SEMA3A: variants seen among roughly 807,000 people sequenced by gnomAD.
SEMA3A encodes the protein semaphorin 3A.
Under a neutral mutation model 97.9 loss-of-function variants are expected in SEMA3A, and 29 were observed. The ratio of observed to expected loss-of-function variants is 0.30; its 90% confidence interval spans 0.22 to 0.40. The LOEUF (loss-of-function observed/expected upper bound fraction) is 0.40, where lower values mean the gene tolerates loss of function less well. Among genes scored for constraint, SEMA3A ranks in the 10% least tolerant of loss-of-function variants. The probability of loss-of-function intolerance (pLI) is 1.00; values close to 1 mark genes in which losing one functional copy is unlikely to be tolerated. For missense variants in SEMA3A, 763 were observed against 951.3 expected (o/e 0.80, Z 2.60); for synonymous variants, 321 against 323.7 (o/e 0.99, Z 0.09).
intron 1 of SEMA3A, among the ~76,000 whole-genome samples, chr7:84,181,677 T>C (rs1291232831): frequency 6.6e-6 from 1 of 152,206 alleles, no homozygotes; most frequent in Non-Finnish European, 1.5e-5. Context: ...CATCACTGAT[T>C]ATTTTTACAT....
intron 1 of SEMA3A, among the ~76,000 whole-genome samples, chr7:84,444,849 G>A (rs1475866672): frequency 2.6e-5 from 4 of 151,878 alleles, no homozygotes; most frequent in African/African-American, 4.8e-5. Context: ...TGTGAGTACA[G>A]TGATTTTCTT....
chr7:84,175,441 G>A (rs1395616873), intron 1 of SEMA3A, among the ~76,000 whole-genome samples: 2 of 152,252 alleles, frequency 1.3e-5, no homozygotes, highest in African/African-American at 4.8e-5. Context: ...CATTAGGAAA[G>A]ACTGATCTCA....
At chr7:84,122,111 T>C (rs1230378744) in intron 3 of SEMA3A, among the ~76,000 whole-genome samples, 2 of 151,824 alleles carry the variant, frequency 1.3e-5, no homozygotes, top group African/African-American at 4.8e-5. Flanking sequence ...ACTTCCACAA[T>C]GGTTGAACTA....
chr7:84,133,779 G>A (rs1026755586), intron 2 of SEMA3A, among the ~76,000 whole-genome samples: 8 of 151,406 alleles, frequency 5.3e-5, no homozygotes, highest in South Asian at 2.1e-4. Flanking sequence ...GGCCGGGCGC[G>A]GTGGCTCACA....
intron 1 of SEMA3A, among the ~76,000 whole-genome samples, chr7:84,171,763 A>G (rs1036378483): frequency 2.6e-5 from 4 of 152,174 alleles, no homozygotes; most frequent in African/African-American, 9.6e-5. Context: ...AAAAAAATAT[A>G]TTAAGGGAGG....
intron 4 of SEMA3A, among the ~76,000 whole-genome samples, chr7:84,084,395 A>T (rs1337311823): frequency 6.6e-6 from 1 of 152,000 alleles, no homozygotes; most frequent in African/African-American, 2.4e-5. Flanking sequence ...GGGTGATAAA[A>T]ATTACACAGT....
At position 84,367,197 on chromosome 7, in the gene SEMA3A, T is replaced by C. The variant is rs74854255; in HGVS notation, c.-169+4627A>G. Among the ~76,000 whole-genome samples the C allele has an allele frequency of 0.013, 2,032 of 151,186 alleles. 84 individuals carry two copies. In the East Asian group the frequency reaches 0.15, roughly 11 times the overall value. On this transcript the variant is annotated intron_variant, in intron 2 of 3. Transcript: ENST00000424555. The stretch of plus-strand genomic sequence containing the variant: ...GACATTTTCTAATAAAAAATAAACG[T>C]ATAGGTGAGATGTGGAATTACCAAT...
chr7:84,435,574 C>A (rs1469000175), intron 1 of SEMA3A, among the ~76,000 whole-genome samples: 1 of 152,188 alleles, frequency 6.6e-6, no homozygotes, highest in Non-Finnish European at 1.5e-5. Context: ...GGCCAATGCC[C>A]TCCAGCCTGG....
At chr7:84,321,810 G>T (rs550665404) in intron 2 of SEMA3A, among the ~76,000 whole-genome samples, 5 of 144,778 alleles carry the variant, frequency 3.5e-5, no homozygotes, top group Admixed American at 7.0e-5. Flanking sequence ...GGGGAGGCAG[G>T]GGTTGCAGTG....
At chr7:84,454,690 G>GAAAACA (rs1362037071) in intron 1 of SEMA3A, among the ~76,000 whole-genome samples, 3 of 151,846 alleles carry the variant, frequency 2.0e-5, no homozygotes, top group Non-Finnish European at 2.9e-5. Flanking sequence ...CACCCAAAAT[G>GAAAACA]AAAACAAAAA....
At chr7:84,063,204 G>A (rs914121094) in intron 4 of SEMA3A, among the ~76,000 whole-genome samples, 1 of 151,524 alleles carries the variant, frequency 6.6e-6, no homozygotes, top group African/African-American at 2.4e-5. Context: ...CTGCAGCTGA[G>A]GGTCCTGTCT....
At chr7:84,468,236 A>G (rs1806055664) in intron 1 of SEMA3A, among the ~76,000 whole-genome samples, 1 of 152,174 alleles carries the variant, frequency 6.6e-6, no homozygotes, top group South Asian at 2.1e-4. Flanking sequence ...TTACTTGTGC[A>G]AAGTTTTCAT....
chr7:84,484,385 T>G (rs6947913), intron 1 of SEMA3A, among the ~76,000 whole-genome samples: 69 of 152,290 alleles, frequency 4.5e-4, no homozygotes, highest in African/African-American at 1.6e-3. Context: ...TATAAAAATT[T>G]GTAATAAGAG....
In SEMA3A at chr7:83,986,908, G is replaced by T. The variant is rs143471690; in HGVS notation, c.1453-1431C>A. Among the ~76,000 whole-genome samples, 47 of 152,006 alleles carry T rather than the reference G, an allele frequency of 3.1e-4. No individual in the cohort carries two copies. In the East Asian group the frequency reaches 7.2e-3, roughly 23 times the overall value. ...AATACATGTAAAACACATTACAAATGTGCTTGGTATATAGTGTTTATTCAA... is the reference window on the plus strand; with the variant it reads ...AATACATGTAAAACACATTACAAATTTGCTTGGTATATAGTGTTTATTCAA... On this transcript the variant is annotated intron_variant, in intron 12 of 16. Transcript: ENST00000265362.
At chr7:84,262,619 C>T (rs1799885428) in intron 3 of SEMA3A, among the ~76,000 whole-genome samples, 1 of 152,156 alleles carries the variant, frequency 6.6e-6, no homozygotes, top group Admixed American at 6.5e-5. Flanking sequence ...AGAAGAAGAG[C>T]TAAGGAAATC....
chr7:84,154,573 G>C (rs141113673), intron 1 of SEMA3A, among the ~76,000 whole-genome samples: 1 of 151,558 alleles, frequency 6.6e-6, no homozygotes, highest in Non-Finnish European at 1.5e-5. Flanking sequence ...CTACTCAGGA[G>C]GGTGAGGCAG....
At chr7:84,010,636 T>G (rs1418944454) in intron 9 of SEMA3A, among the ~76,000 whole-genome samples, 1 of 152,200 alleles carries the variant, frequency 6.6e-6, no homozygotes. Flanking sequence ...TTCCATTATA[T>G]TTTCAACAAA....
chr7:84,272,907 T>A (rs940322870), intron 3 of SEMA3A, among the ~76,000 whole-genome samples: 4 of 152,124 alleles, frequency 2.6e-5, no homozygotes, highest in Non-Finnish European at 5.9e-5. Flanking sequence ...TATTTTATCA[T>A]CCTAATAGCA....
intron 1 of SEMA3A, among the ~76,000 whole-genome samples, chr7:84,168,007 T>A (rs1296519886): frequency 6.6e-6 from 1 of 152,128 alleles, no homozygotes; most frequent in Non-Finnish European, 1.5e-5. Flanking sequence ...TTTAATCATA[T>A]TTACTGTTTT....
Sources: gnomAD v4.1 joint callset for allele counts (sites outside exome capture counted in the v4.1 genomes callset) on GRCh38, gnomAD v4.1.1 for gene constraint, MANE v1.5 for transcripts, NCBI Gene and HGNC (gene_info 2026-07-23, HGNC 2026-07-21) for gene names.